ITGB4: variants seen among roughly 807,000 people sequenced by gnomAD.
The protein encoded by ITGB4 is integrin subunit beta 4, also known as integrin beta-4.
ITGB4 carries 159 observed loss-of-function variants against 207.6 expected under a neutral mutation model. The observed-to-expected ratio is 0.77, with a 90% confidence interval of 0.67 to 0.87. The LOEUF is 0.87. ITGB4 is among the 40% of genes least tolerant of loss of function. The pLI is 0.00. For missense variants in ITGB4, 2,278 were observed against 2,546.8 expected, an observed-to-expected ratio of 0.89 and a Z score of 2.27; for synonymous variants, 1,020 against 1,062.7, an observed-to-expected ratio of 0.96 and a Z score of 0.78.
Position 75,757,433 on chromosome 17 carries a change from G to T in ITGB4, c.5347G>T (p.Ala1783Ser), listed in dbSNP as rs201253100. ...CTCCACAGATGGGCTGACCCTGGGG[G>T]CCCAGCACCTGGAGGCAGGCGGCTC... ...PFLVDGLTLG[A>S]QHLEAGGSLT... The change falls in exon 40 of 40, where the codon GCC (alanine) becomes TCC (serine). Residue 1783 changes from alanine to serine, a missense_variant. Ala to Ser is a moderately conservative substitution (Grantham distance 99, BLOSUM62 1). Transcript: ENST00000200181. 4.3e-6 allele frequency: 7 copies of T among 1,613,188 alleles called. No homozygotes were observed. The East Asian group carries it at 1.3e-4, about 31-fold the overall frequency.
At chr17:75,744,071 T>A (rs564440092) in intron 26 of ITGB4, among the ~76,000 whole-genome samples, 2 of 150,724 alleles carry the variant, frequency 1.3e-5, no homozygotes, top group Admixed American at 6.6e-5. Flanking sequence ...ACACGCTGGA[T>A]GAGGCTCCAT....
chr17:75,753,702 G>T, intron 32 of ITGB4, 63 bp from the exon 33 acceptor site: 3 of 1,153,290 alleles, frequency 2.6e-6, no homozygotes, highest in Non-Finnish European at 3.3e-6. Flanking sequence ...GCCTTCCCCC[G>T]CCTGGCCCTG....
At chr17:75,754,145 G>A (rs1323967791) in intron 33 of ITGB4, among the ~76,000 whole-genome samples, 171 bp downstream of exon 33, 1 of 152,234 alleles carries the variant, frequency 6.6e-6, no homozygotes, top group Non-Finnish European at 1.5e-5. Flanking sequence ...CAGGGGACGC[G>A]TGAGGCAGGC....
intron 25 of ITGB4, among the ~76,000 whole-genome samples, chr17:75,743,452 C>T (rs1157130770): frequency 1.2e-4 from 18 of 152,112 alleles, no homozygotes; most frequent in East Asian, 1.9e-4. Context: ...AGGCTGGTCT[C>T]GAACTCCTGA....
intron 34 of ITGB4, 115 bp downstream of exon 34, chr17:75,754,930 G>T (rs146183690): frequency 3.2e-6 from 5 of 1,548,406 alleles, no homozygotes; most frequent in African/African-American, 2.7e-5. Context: ...ATACACACAC[G>T]CATGCACACA....
At chr17:75,728,721 A>T (rs1649426652) in intron 6 of ITGB4, among the ~76,000 whole-genome samples, 1 of 152,104 alleles carries the variant, frequency 6.6e-6, no homozygotes, top group Admixed American at 6.5e-5. Context: ...GCGGTGGTTC[A>T]CGCCTGTAAT....
At chr17:75,736,910 G>A (rs1384081804) in intron 16 of ITGB4, among the ~76,000 whole-genome samples, 1 of 152,100 alleles carries the variant, frequency 6.6e-6, no homozygotes, top group South Asian at 2.1e-4. Context: ...ACAGAACCCA[G>A]GCGGTGGGAC....
In ITGB4 at chr17:75,738,280, C is replaced by T. The variant is rs1374827502; in HGVS notation, c.2220+636C>T. Among the ~76,000 whole-genome samples, 7 of 151,696 alleles carry T rather than the reference C, an allele frequency of 4.6e-5. No individual in the cohort carries two copies. In the East Asian group the frequency reaches 1.2e-3, roughly 25 times the overall value. ...TGATGACACCCATGAGCTCTTAGCC[C>T]GAGTCATCCTGGAGCCCCAGCCCCC... is the stretch of plus-strand genomic sequence containing the variant. On this transcript the variant is annotated intron_variant, in intron 18 of 39. Transcript: ENST00000200181.
In ITGB4 at chr17:75,740,107, T is replaced by C. The variant is rs372236497; in HGVS notation, c.2446+36T>C. The C allele has an allele frequency of 2.7e-5, 43 of 1,583,202 alleles. No individual in the cohort carries two copies. The Middle Eastern group carries it at 6.0e-4, about 22-fold the overall frequency. On this transcript the variant is annotated intron_variant, in intron 20 of 39. Coordinates refer to ENST00000200181, the MANE Select transcript of ITGB4 (RefSeq NM_000213.5). The surrounding 1 kb of genome is among the most constrained non-coding windows in gnomAD (Gnocchi z 5.9). ...GGCTGGGCGCCACAGCTCTGGGCAG[T>C]GCCCTTCGGGCCCTCTGTTCCAGAT...
At position 75,753,966 on chromosome 17, in the gene ITGB4, C is replaced by G; in HGVS notation, c.4310C>G (p.Pro1437Arg). The stretch of plus-strand genomic sequence containing the variant: ...CTGCCCCGCAGTGCGACACCCGGGC[C>G]CCCCGGAGGTGACAGGCTCACCCGC... ...GSLPRSATPGPPGEHLVNGRM... is the reference protein window; with the variant it reads ...GSLPRSATPGRPGEHLVNGRM... The change falls in exon 33 of 40, where the codon CCC (proline) becomes CGC (arginine). Residue 1437 changes from proline to arginine, a missense_variant. By Grantham distance (103) the Pro-to-Arg change is moderately radical (BLOSUM62 -2). Transcript: ENST00000200181. The G allele has an allele frequency of 2.4e-6, 3 of 1,257,068 alleles. No individual in the cohort carries two copies. The highest frequency in any genetic ancestry group is 3.0e-6 in the Non-Finnish European group (3 of 1,003,834). 77.9% of individuals were successfully genotyped at this position (1,257,068 alleles called of 1,614,324 possible).
In ITGB4 at chr17:75,743,791, G is replaced by A. The variant is rs370080195; in HGVS notation, c.3041G>A (p.Arg1014Gln). The A allele has an allele frequency of 4.3e-6, 7 of 1,613,054 alleles. No individual in the cohort carries two copies. Among genetic ancestry groups the A allele is most frequent in the African/African-American group, 4.0e-5 (3 of 74,938 alleles). ...GDQVARIPVI[R>Q]RVLDGGKSQV... ...CAGGTGGCCCGCATCCCTGTCATCC[G>A]GCGTGTCCTGGACGGCGGGAAGTCC... Residue 1014 changes from arginine to glutamine, a missense_variant, in exon 26 of 40, where the codon CGG becomes CAG. Arg to Gln is a conservative substitution (Grantham distance 43, BLOSUM62 1). Transcript: ENST00000200181.
intron 35 of ITGB4, 51 bp downstream of exon 35, chr17:75,755,901 C>T (rs1475476667): frequency 6.3e-7 from 1 of 1,578,610 alleles, no homozygotes; most frequent in Middle Eastern, 2.3e-4. Context: ...CAAGGCCTGG[C>T]CCCAGTGTGA....
intron 23 of ITGB4, 97 bp downstream of exon 23, chr17:75,741,102 C>T: frequency 7.2e-7 from 1 of 1,381,036 alleles, no homozygotes; most frequent in Non-Finnish European, 1.0e-6. Flanking sequence ...ATCTCCATCC[C>T]ATAGGAAGGG....
intron 34 of ITGB4, chr17:75,755,175 T>G (rs1034584331): frequency 6.2e-7 from 1 of 1,608,018 alleles, no homozygotes; most frequent in Admixed American, 1.7e-5. Flanking sequence ...GACTCTATAA[T>G]CCTGGCTGGG....
At chr17:75,751,262 CT>C in intron 30 of ITGB4, 151 bp downstream of exon 30, 1 of 983,902 alleles carries the variant, frequency 1.0e-6, no homozygotes, top group Non-Finnish European at 1.5e-6. Flanking sequence ...CCTGAGGCAT[CT>C]TTAGGGTTTT....
rs767956817 is a variant in ITGB4 at position 75,750,239 on chromosome 17, C to T, written c.3445C>T (p.Pro1149Ser). ...GSRKIHFNWL[P>S]PSGKPMGYRV... ...CAGGAAGATCCATTTCAACTGGCTG[C>T]CCCCTTCTGGCAAGCCAATGGGGTA... Residue 1149 changes from proline to serine, a missense_variant, in exon 28 of 40, where the codon CCC becomes TCC. By Grantham distance (74) the Pro-to-Ser change is moderately conservative. Coordinates refer to ENST00000200181, the MANE Select transcript of ITGB4 (RefSeq NM_000213.5). The surrounding 1 kb of genome is among the most constrained non-coding windows in gnomAD (Gnocchi z 5.5). 5 of 1,613,274 alleles carry T rather than the reference C, an allele frequency of 3.1e-6. No homozygotes were observed. In the South Asian group the frequency reaches 3.3e-5, roughly 11 times the overall value.
intron 30 of ITGB4, chr17:75,751,746 A>G (rs1334095170): frequency 4.2e-6 from 1 of 238,202 alleles, no homozygotes; most frequent in African/African-American, 2.3e-5. Context: ...GTCTAAAAAT[A>G]AATAAATAAA....
Position 75,736,050 on chromosome 17 carries a change from G to C in ITGB4, c.1658-1G>C, listed in dbSNP as rs2060967231. On this transcript the variant is annotated splice_acceptor_variant, in intron 13 of 39. Coordinates refer to ENST00000200181, the MANE Select transcript of ITGB4 (RefSeq NM_000213.5). LOFTEE classifies it high-confidence loss of function. ...TCTCCCTTCCTTGTCCCTCTCTGCA[G>C]ACCGAGGACGCTGCTCCATGGGCCA... 1 of 1,613,716 alleles carries C rather than the reference G, an allele frequency of 6.2e-7. No homozygotes were observed. The highest frequency in any genetic ancestry group is 1.1e-5 in the South Asian group (1 of 91,080).
chr17:75,739,849 G>A lies in ITGB4; in HGVS notation c.2255-31G>A. 6.2e-7 allele frequency: 1 copy of A among 1,612,702 alleles called. No homozygotes were observed. ...AGGTTGGGCTGTGCGGGTCTAGGGA[G>A]GGGTGCCGTGCTGAGGACCCCATCC... On this transcript the variant is annotated intron_variant, in intron 19 of 39. Transcript: ENST00000200181. This position sits in a 1 kb window ranked among gnomAD's most constrained non-coding sequence, Gnocchi z 5.4.
Sources: allele counts gnomAD v4.1 joint callset (sites outside exome capture counted in the v4.1 genomes callset), GRCh38; gene constraint gnomAD v4.1.1; non-coding constraint Gnocchi (gnomAD v3.1); transcripts MANE v1.5; gene names NCBI Gene and HGNC (gene_info 2026-07-23, HGNC 2026-07-21).